ZNF487: variants seen among roughly 807,000 people sequenced by gnomAD.
ZNF487 encodes the protein KRAB domain only 1.
A neutral mutation model predicts 3.0 loss-of-function variants in ZNF487; 4 were observed. The ratio of observed to expected loss-of-function variants is 1.35; its 90% CI spans 0.66 to 3.08. ZNF487 has a LOEUF of 3.08. Ranked by LOEUF, ZNF487 falls within the 30% of genes most tolerant of loss-of-function variation. The probability of loss-of-function intolerance (pLI) is 0.01; values close to 1 mark genes in which losing one functional copy is unlikely to be tolerated. For synonymous variants in ZNF487, 55 were observed against 34.6 expected (o/e 1.59, Z -2.06); for missense variants, 146 against 98.7 (o/e 1.48, Z -2.03).
chr10:43,443,618 C>T (rs1465039823), intron 1 of ZNF487, among the ~76,000 whole-genome samples: 1 of 152,062 alleles, frequency 6.6e-6, no homozygotes, highest in Non-Finnish European at 1.5e-5. Context: ...AGGTAATCCA[C>T]CTGCCTCAGC....
intron 3 of ZNF487, among the ~76,000 whole-genome samples, chr10:43,480,241 G>A (rs922102737): frequency 1.5e-4 from 22 of 151,088 alleles, no homozygotes; most frequent in African/African-American, 5.1e-4. Flanking sequence ...CTGAGTAGCT[G>A]GGATTACAGG....
At chr10:43,486,325 G>A (rs898151946), downstream of ZNF487, among the ~76,000 whole-genome samples, 4 of 152,114 alleles carry the variant, frequency 2.6e-5, no homozygotes, top group Admixed American at 6.6e-5. Context: ...TTGGGAGTTC[G>A]AGACCAGCCT....
intron 1 of ZNF487, among the ~76,000 whole-genome samples, chr10:43,442,088 G>C (rs919693678): frequency 6.6e-6 from 1 of 152,086 alleles, no homozygotes; most frequent in African/African-American, 2.4e-5. Flanking sequence ...AGCTGGATGT[G>C]ATGGCACATG....
intron 1 of ZNF487, among the ~76,000 whole-genome samples, chr10:43,475,480 A>G (rs2132135089): frequency 6.6e-6 from 1 of 151,382 alleles, no homozygotes; most frequent in South Asian, 2.1e-4. Flanking sequence ...ATGCCACAGC[A>G]CTCTAGCCTG....
intron 1 of ZNF487, among the ~76,000 whole-genome samples, chr10:43,442,767 G>T (rs1198358140): frequency 2.0e-5 from 3 of 152,058 alleles, no homozygotes; most frequent in South Asian, 4.1e-4. Flanking sequence ...TAAGCATTTT[G>T]TAGTATTCAG....
At chr10:43,495,745 T>C in the ZNF487 span, among the ~76,000 whole-genome samples, 2 of 152,212 alleles carry the variant, frequency 1.3e-5, no homozygotes, top group Non-Finnish European at 2.9e-5. Context: ...TTTAAAGTAT[T>C]AATTTTTATA....
chr10:43,504,749 C>A, the ZNF487 span, among the ~76,000 whole-genome samples: 4 of 150,984 alleles, frequency 2.6e-5, no homozygotes, highest in Non-Finnish European at 5.9e-5. Context: ...CAGTGTTGCC[C>A]AGGCTGGAGT....
In ZNF487 at chr10:43,455,112, CCTT is replaced by C. The variant is rs561244773; in HGVS notation, c.-94+17853_-94+17855del. 1.6e-4 allele frequency among the ~76,000 whole-genome samples: 24 copies of C among 151,000 alleles called. No individual in the cohort carries two copies. In the East Asian group the frequency reaches 4.5e-3, roughly 29 times the overall value. Reference sequence around the variant, plus strand: ...CAAGCTCCGCCTCCCGGGTTCAAGGCCTTCTCCTGCCTCAGCCTCCCGAGTAGC... The same window carrying C: ...CAAGCTCCGCCTCCCGGGTTCAAGGCCTCCTGCCTCAGCCTCCCGAGTAGC... On this transcript the variant is annotated intron_variant, in intron 1 of 3. Transcript: ENST00000437590.
chr10:43,447,326 T>C lies in ZNF487; in HGVS notation c.-94+10064T>C, dbSNP rs1294038965. 3.9e-5 allele frequency among the ~76,000 whole-genome samples: 6 copies of C among 152,070 alleles called. No individual in the cohort carries two copies. The East Asian group carries it at 1.2e-3, about 29-fold the overall frequency. On this transcript the variant is annotated intron_variant, in intron 1 of 3. Transcript: ENST00000437590. ...GGCACGATCTTAGCTCACTGTAACC[T>C]CCACCTCACGGATTCAAGTGATTCT...
chr10:43,497,319 AC>A, the ZNF487 span, among the ~76,000 whole-genome samples: 1 of 152,164 alleles, frequency 6.6e-6, no homozygotes, highest in Non-Finnish European at 1.5e-5. Flanking sequence ...ATGTTTTTAA[AC>A]CCCTTTGGGG....
chr10:43,493,707 AAAATAT>A, the ZNF487 span, among the ~76,000 whole-genome samples: 6 of 53,780 alleles, frequency 1.1e-4, no homozygotes, highest in South Asian at 7.2e-4. Flanking sequence ...AAAAAAAAAA[AAAATAT>A]ATATATATAT....
chr10:43,444,693 C>T (rs1419559940), intron 1 of ZNF487, among the ~76,000 whole-genome samples: 3 of 152,110 alleles, frequency 2.0e-5, no homozygotes, highest in Non-Finnish European at 4.4e-5. Context: ...CTCAGCATCC[C>T]AAGTGGCTGG....
At chr10:43,471,420 C>T (rs1276127148) in intron 1 of ZNF487, among the ~76,000 whole-genome samples, 4 of 152,158 alleles carry the variant, frequency 2.6e-5, no homozygotes, top group Non-Finnish European at 5.9e-5. Context: ...TGTGTGTTTG[C>T]AGCTCAGTTG....
At chr10:43,477,246 G>C (rs911490834) in intron 3 of ZNF487, among the ~76,000 whole-genome samples, 2 of 149,314 alleles carry the variant, frequency 1.3e-5, no homozygotes, top group African/African-American at 4.9e-5. Flanking sequence ...TCACAGGCTA[G>C]AGTGCAGTGG....
chr10:43,443,504 G>A (rs1839693585), intron 1 of ZNF487, among the ~76,000 whole-genome samples: 1 of 150,256 alleles, frequency 6.7e-6, no homozygotes, highest in African/African-American at 2.5e-5. Flanking sequence ...CTCCCAAGTA[G>A]CTGGGATTAC....
At chr10:43,454,218 C>T (rs1351910510) in intron 1 of ZNF487, 1 of 151,996 alleles carries the variant, frequency 6.6e-6, no homozygotes, top group African/African-American at 2.4e-5. Flanking sequence ...ACGCCCGGCT[C>T]ATTTTTGTGT....
chr10:43,515,127 T>C, the ZNF487 span, among the ~76,000 whole-genome samples: 1 of 152,222 alleles, frequency 6.6e-6, no homozygotes, highest in African/African-American at 2.4e-5. Flanking sequence ...TCAAACTTTG[T>C]GTTCTTTCCA....
the ZNF487 span, among the ~76,000 whole-genome samples, chr10:43,498,750 G>A: frequency 3.3e-5 from 5 of 151,810 alleles, no homozygotes; most frequent in East Asian, 9.8e-4. Flanking sequence ...AGACCATCCT[G>A]GCTAACATGG....
At position 43,482,778 on chromosome 10, in the gene ZNF487, G is replaced by T; in HGVS notation, c.*856G>T. The T allele has an allele frequency of 2.1e-6, 1 of 487,172 alleles. No homozygotes were observed. The highest frequency in any genetic ancestry group is 1.6e-5 in the South Asian group (1 of 64,328). 30.2% of individuals were successfully genotyped at this position (487,172 alleles called of 1,614,324 possible). A position where few individuals can be genotyped will look rare whatever the true frequency, so the allele number is the denominator to read the frequency against. On this transcript the variant is annotated 3_prime_UTR_variant, in exon 4 of 4. Transcript: ENST00000437590. ...CAATGAATGTCAAAAATCCTTCTCTGTGAAGTCAAAACTTAGAGAACATCA... is the reference window on the plus strand; with the variant it reads ...CAATGAATGTCAAAAATCCTTCTCTTTGAAGTCAAAACTTAGAGAACATCA...
Sources: allele counts gnomAD v4.1 joint callset (sites outside exome capture counted in the v4.1 genomes callset), GRCh38; gene constraint gnomAD v4.1.1; transcripts MANE v1.5; gene names NCBI Gene and HGNC (gene_info 2026-07-23, HGNC 2026-07-21).